Variants in VLDLR observed in about 807,000 individuals in gnomAD.
VLDLR encodes very low-density lipoprotein receptor.
In VLDLR, 81 loss-of-function variants were observed where a neutral mutation model predicts 112.7. That is an observed-to-expected ratio of 0.72 (90% CI 0.60 to 0.86). VLDLR has a LOEUF of 0.86. VLDLR is among the 40% of genes least tolerant of loss of function. The probability of loss-of-function intolerance (pLI) is 0.00; values close to 1 mark genes in which losing one functional copy is unlikely to be tolerated. For missense variants in VLDLR, 1,237 were observed against 1,099.4 expected (o/e 1.13, Z -1.77); for synonymous variants, 436 against 384.8 (o/e 1.13, Z -1.56).
intron 4 of VLDLR, among the ~76,000 whole-genome samples, chr9:2,641,954 G>A (rs774053527): frequency 2.0e-5 from 3 of 148,298 alleles, no homozygotes; most frequent in Non-Finnish European, 4.4e-5. Context: ...CTAGATTCTG[G>A]CATAACTTTC....
chr9:2,646,009 T>C (rs1818052715), intron 10 of VLDLR, among the ~76,000 whole-genome samples: 1 of 152,168 alleles, frequency 6.6e-6, no homozygotes, highest in South Asian at 2.1e-4. Context: ...TGAGAACTGT[T>C]CATTGTTGCT....
rs1432939832 is a variant in VLDLR, at chr9:2,653,748, C to G, written c.2587-85C>G. 3 of 1,495,246 alleles carry G rather than the reference C, an allele frequency of 2.0e-6. No individual in the cohort carries two copies. In the African/African-American group the frequency reaches 4.1e-5, roughly 21 times the overall value. 92.6% of individuals were successfully genotyped at this position (1,495,246 alleles called of 1,614,324 possible). A position where few individuals can be genotyped will look rare whatever the true frequency, so the allele number is the denominator to read the frequency against. ...GCACTCTGAGTGTTTGAATGACCAACTCAAAAGCAAGGTCCATTTTAAAGA... is the reference window on the plus strand; with the variant it reads ...GCACTCTGAGTGTTTGAATGACCAAGTCAAAAGCAAGGTCCATTTTAAAGA... On this transcript the variant is annotated intron_variant, in intron 18 of 18. Transcript: ENST00000382100.
intron 1 of VLDLR, among the ~76,000 whole-genome samples, chr9:2,628,116 A>G (rs1282628741): frequency 2.0e-5 from 3 of 152,188 alleles, no homozygotes; most frequent in Admixed American, 6.5e-5. Context: ...CCTAGAGAAT[A>G]TAGGATGTCA....
chr9:2,632,466 C>T (rs1043222579), intron 1 of VLDLR, among the ~76,000 whole-genome samples: 5 of 152,148 alleles, frequency 3.3e-5, no homozygotes, highest in Non-Finnish European at 7.3e-5. Context: ...AAAAGAATCT[C>T]GAGTGTAGAT....
chr9:2,636,187 C>A (rs1817594575), intron 2 of VLDLR, among the ~76,000 whole-genome samples: 1 of 152,196 alleles, frequency 6.6e-6, no homozygotes, highest in Non-Finnish European at 1.5e-5. Flanking sequence ...TGTATGCAAT[C>A]TATACAACCT....
rs939109819 is a variant in VLDLR, at chr9:2,657,987, G to T, written c.*4119G>T. On this transcript the variant is annotated 3_prime_UTR_variant, in exon 19 of 19. Transcript: ENST00000382100. ...CATGGGCCTAAACTATGAGAGTTCAGAAATATATAAAAGTACAAAAATCTT... is the reference window on the plus strand; with the variant it reads ...CATGGGCCTAAACTATGAGAGTTCATAAATATATAAAAGTACAAAAATCTT... The T allele has an allele frequency of 2.6e-5, 4 of 152,128 alleles. No individual in the cohort carries two copies. The highest frequency in any genetic ancestry group is 4.4e-5 in the Non-Finnish European group (3 of 68,014). 9.4% of individuals were successfully genotyped at this position (152,128 alleles called of 1,614,324 possible).
chr9:2,645,656 T>C lies in VLDLR; in HGVS notation c.1395T>C (p.Val465=). The C allele has an allele frequency of 6.2e-7, 1 of 1,614,184 alleles. No homozygotes were observed. The highest frequency in any genetic ancestry group is 8.5e-7 in the Non-Finnish European group (1 of 1,180,030). Residue 465 remains valine (V), a synonymous_variant, in exon 10 of 19, where the codon GTT becomes GTC. Coordinates refer to ENST00000382100, the MANE Select transcript of VLDLR (RefSeq NM_003383.5). The part of the protein sequence containing the change: ...GLERKEYIQL[V]EQLRNTVALD... ...AGAGGAAAGAATATATCCAACTAGT[T>C]GAACAGCTAAGAAACACTGTGGCTC...
At chr9:2,627,942 C>T (rs1051613791) in intron 1 of VLDLR, among the ~76,000 whole-genome samples, 2 of 151,748 alleles carry the variant, frequency 1.3e-5, no homozygotes, top group East Asian at 3.9e-4. Context: ...ACCTTTATAA[C>T]CTAGAGTCTT....
At chr9:2,642,438 G>A (rs1254371014) in intron 4 of VLDLR, among the ~76,000 whole-genome samples, 1 of 152,186 alleles carries the variant, frequency 6.6e-6, no homozygotes, top group Non-Finnish European at 1.5e-5. Flanking sequence ...CCCTGGTGCT[G>A]CCAAGTGTTT....
chr9:2,642,604 A>G (rs1817877630), intron 4 of VLDLR, among the ~76,000 whole-genome samples: 1 of 152,234 alleles, frequency 6.6e-6, no homozygotes, highest in South Asian at 2.1e-4. Flanking sequence ...TGATTGTTAA[A>G]TGGTGATTAT....
Position 2,647,593 on chromosome 9 carries a change from G to T in VLDLR, c.1822+1G>T. 1.2e-6 allele frequency: 2 copies of T among 1,610,852 alleles called. No homozygotes were observed. Among genetic ancestry groups the T allele is most frequent in the Middle Eastern group, 1.7e-4 (1 of 6,056 alleles). On this transcript the variant is annotated splice_donor_variant, in intron 12 of 18. Transcript: ENST00000382100. LOFTEE classifies it high-confidence loss of function. ...CAGTGGCCTAACGGAATTACACTTG[G>T]TATGTATGTTCTTCCTTCTCGACCA...
rs1250639973 is a variant in VLDLR, at chr9:2,644,063, G to A, written c.1066+104G>A. ...GTGATGGCTAGTTAAACTTTTGAAT[G>A]TACTGAAGTTCAATTGTAGACTTCA... On this transcript the variant is annotated intron_variant, in intron 7 of 18. Coordinates refer to ENST00000382100, the MANE Select transcript of VLDLR (RefSeq NM_003383.5). 2.7e-5 allele frequency: 42 copies of A among 1,531,408 alleles called. No homozygotes were observed. In the South Asian group the frequency reaches 4.3e-4, roughly 16 times the overall value. The allele number at this position is 1,531,408 out of a possible 1,614,324, so 94.9% of individuals were successfully genotyped here.
intron 1 of VLDLR, among the ~76,000 whole-genome samples, chr9:2,632,095 G>A (rs758479782): frequency 1.4e-4 from 22 of 152,184 alleles, no homozygotes; most frequent in Non-Finnish European, 2.4e-4. Context: ...GTAGGTACAA[G>A]CGACTTCCAA....
At chr9:2,638,368 A>G (rs1483023877) in intron 2 of VLDLR, among the ~76,000 whole-genome samples, 1 of 152,228 alleles carries the variant, frequency 6.6e-6, no homozygotes, top group Non-Finnish European at 1.5e-5. Context: ...CTAAGCTCTG[A>G]GAGTTCTACC....
Position 2,654,652 on chromosome 9 carries a change from T to G in VLDLR, c.*784T>G, listed in dbSNP as rs1818518603. ...AAATGAAGTACTGTTTAACATTTGC[T>G]CCCGAAATATTTCTTACTGTGTAAA... is the stretch of plus-strand genomic sequence containing the variant. On this transcript the variant is annotated 3_prime_UTR_variant, in exon 19 of 19. Coordinates refer to ENST00000382100, the MANE Select transcript of VLDLR (RefSeq NM_003383.5). 1 of 152,204 alleles carries G rather than the reference T, an allele frequency of 6.6e-6. No individual in the cohort carries two copies. Among genetic ancestry groups the G allele is most frequent in the Non-Finnish European group, 1.5e-5 (1 of 68,038 alleles). 9.4% of individuals were successfully genotyped at this position (152,204 alleles called of 1,614,324 possible). A position where few individuals can be genotyped will look rare whatever the true frequency, so the allele number is the denominator to read the frequency against.
At chr9:2,630,741 G>C (rs1817312615) in intron 1 of VLDLR, among the ~76,000 whole-genome samples, 1 of 152,162 alleles carries the variant, frequency 6.6e-6, no homozygotes, top group Admixed American at 6.5e-5. Context: ...TAAAAACCCT[G>C]AGTTTCCCTC....
At chr9:2,624,037 G>A (rs535911180) in intron 1 of VLDLR, among the ~76,000 whole-genome samples, 10 of 152,222 alleles carry the variant, frequency 6.6e-5, no homozygotes, top group Middle Eastern at 3.4e-3. Context: ...GAAAAGTTTC[G>A]TTTTTGCTGC....
chr9:2,649,746 A>T (rs1818235804), intron 14 of VLDLR, among the ~76,000 whole-genome samples: 1 of 152,194 alleles, frequency 6.6e-6, no homozygotes, highest in Admixed American at 6.5e-5. Context: ...ACCTCTGTAA[A>T]TATCCTATCC....
chr9:2,641,434 T>C lies in VLDLR; in HGVS notation c.383T>C (p.Ile128Thr). 1 of 1,614,186 alleles carries C rather than the reference T, an allele frequency of 6.2e-7. No individual in the cohort carries two copies. Among genetic ancestry groups the C allele is most frequent in the Non-Finnish European group, 8.5e-7 (1 of 1,180,034 alleles). ...TGTGGCGCCCATTCTACTCAGTGTA[T>C]CCCAGTGTCCTGGAGATGTGATGGT... ...ISCGAHSTQC[I>T]PVSWRCDGEN... Residue 128 changes from isoleucine to threonine, a missense_variant, in exon 4 of 19, where the codon ATC (isoleucine) becomes ACC (threonine). Physicochemically the swap from Ile to Thr is moderately conservative, Grantham distance 89. Transcript: ENST00000382100.
Sources: allele counts gnomAD v4.1 joint callset (sites outside exome capture counted in the v4.1 genomes callset), GRCh38; gene constraint gnomAD v4.1.1; transcripts MANE v1.5; gene names NCBI Gene and HGNC (gene_info 2026-07-23, HGNC 2026-07-21).